The following SHANK2 variants were observed in gnomAD, a reference collection of about 807,000 sequenced individuals.
The protein encoded by SHANK2 is SH3 and multiple ankyrin repeat domains protein 2.
In SHANK2, 43 loss-of-function variants were observed where a neutral mutation model predicts 133.7. The ratio of observed to expected loss-of-function variants is 0.32; its 90% CI spans 0.25 to 0.41. The LOEUF is 0.41. SHANK2 is among the 10% of genes least tolerant of loss of function. The pLI is 1.00. For missense variants in SHANK2, 1,994 were observed against 2,235.8 expected (o/e 0.89, Z 2.18); for synonymous variants, 1,017 against 952.8 (o/e 1.07, Z -1.24).
intron 4 of SHANK2, among the ~76,000 whole-genome samples, chr11:71,114,613 TGC>T (rs1420624748): frequency 6.6e-6 from 1 of 152,048 alleles, no homozygotes; most frequent in Non-Finnish European, 1.5e-5. Flanking sequence ...GGGGAGAAAG[TGC>T]GCTGGTCAGA....
intron 10 of SHANK2, chr11:70,907,854 C>T (rs1408655540): frequency 3.1e-5 from 14 of 454,066 alleles, no homozygotes; most frequent in African/African-American, 2.8e-4. Context: ...GTAATCCCAA[C>T]AATTTCGGAG....
At chr11:71,085,645 T>A (rs1184050501) in intron 8 of SHANK2, among the ~76,000 whole-genome samples, 3 of 42,124 alleles carry the variant, frequency 7.1e-5, no homozygotes, top group Non-Finnish European at 8.9e-5. Context: ...ATATAATATA[T>A]TATGTTATAT....
Position 71,155,757 on chromosome 11 carries a change from G to A in SHANK2, c.-12-8419C>T, listed in dbSNP as rs372443314. Among the ~76,000 whole-genome samples, 16 of 123,292 alleles carry A rather than the reference G, an allele frequency of 1.3e-4. No individual in the cohort carries two copies. In the South Asian group the frequency reaches 3.6e-3, roughly 28 times the overall value. 80.9% of individuals were successfully genotyped at this position (123,292 alleles called of 152,430 possible). A position where few individuals can be genotyped will look rare whatever the true frequency, so the allele number is the denominator to read the frequency against. ...TATGGCCGTGGCCACACAAAACCAC[G>A]TGGCAACCCCATGTCAGGGCTGTGC... On this transcript the variant is annotated intron_variant, in intron 2 of 25. Coordinates refer to ENST00000601538, the MANE Select transcript of SHANK2 (RefSeq NM_012309.5).
intron 17 of SHANK2, chr11:70,647,438 T>A (rs578248914): frequency 2.6e-5 from 4 of 152,328 alleles, no homozygotes; most frequent in African/African-American, 9.6e-5. Flanking sequence ...AAGTGATACG[T>A]GGATCTTGGA....
In SHANK2 at chr11:70,479,679, G is replaced by A. The variant is rs1555151017; in HGVS notation, c.4979+5635C>T. On this transcript the variant is annotated intron_variant, in intron 25 of 25. Coordinates refer to ENST00000601538, the MANE Select transcript of SHANK2 (RefSeq NM_012309.5). This position sits in a 1 kb window ranked among gnomAD's most constrained non-coding sequence, Gnocchi z 4.4. ...CAGAAGCCATGGGGGACCCCCACAAGCACACACTCACTGCTCTGTTGCCCC... is the reference window on the plus strand; with the variant it reads ...CAGAAGCCATGGGGGACCCCCACAAACACACACTCACTGCTCTGTTGCCCC... Among the ~76,000 whole-genome samples, 7 of 152,244 alleles carry A rather than the reference G, an allele frequency of 4.6e-5. No homozygotes were observed. The highest frequency in any genetic ancestry group is 4.4e-5 in the Non-Finnish European group (3 of 68,044).
intron 2 of SHANK2, among the ~76,000 whole-genome samples, chr11:71,179,403 C>A (rs374108259): frequency 6.6e-6 from 1 of 152,154 alleles, no homozygotes; most frequent in African/African-American, 2.4e-5. Flanking sequence ...TTCATAAAAT[C>A]TAACACAGAT....
chr11:70,895,088 C>A (rs1555075396), intron 11 of SHANK2, among the ~76,000 whole-genome samples: 1 of 152,266 alleles, frequency 6.6e-6, no homozygotes, highest in East Asian at 1.9e-4. Flanking sequence ...GTGATTTGCC[C>A]TGGCTCACAG....
At position 70,659,858 on chromosome 11, in the gene SHANK2, G is replaced by A. The variant is rs782242751; in HGVS notation, c.2031C>T (p.Ala677=). Residue 677 remains alanine, a synonymous_variant, in exon 17 of 26, where the codon GCC becomes GCT. Transcript: ENST00000601538. ...TCAAGAAGTCCCCGGTCCTTAGTCC[G>A]GCTTGCCACGCCACCCCACCTTCAT... The part of the protein sequence containing the change: ...SVDEGGVAWQ[A]GLRTGDFLIE... 2.1e-5 allele frequency: 34 copies of A among 1,614,110 alleles called. No individual in the cohort carries two copies. The highest frequency in any genetic ancestry group is 5.5e-5 in the South Asian group (5 of 91,078).
Position 70,807,527 on chromosome 11 carries a change from C to T in SHANK2, c.1494-356G>A, listed in dbSNP as rs1555052255. Among the ~76,000 whole-genome samples, 2 of 152,156 alleles carry T rather than the reference C, an allele frequency of 1.3e-5. No homozygotes were observed. Among genetic ancestry groups the T allele is most frequent in the African/African-American group, 4.8e-5 (2 of 41,442 alleles). On this transcript the variant is annotated intron_variant, in intron 12 of 25. Transcript: ENST00000601538. This position sits in a 1 kb window ranked among gnomAD's most constrained non-coding sequence, Gnocchi z 4.8. The stretch of plus-strand genomic sequence containing the variant: ...CATACAATGGAACGCTGTTTAGCCT[C>T]CATCAGGAATTAAACTCTGGGCCAG...
chr11:70,876,261 C>CACACAT (rs1949562446), intron 11 of SHANK2, among the ~76,000 whole-genome samples: 1 of 150,962 alleles, frequency 6.6e-6, no homozygotes, highest in Non-Finnish European at 1.5e-5. Flanking sequence ...CACACACACA[C>CACACAT]ACACACACAC....
At chr11:71,056,145 G>A (rs1950916324) in intron 10 of SHANK2, among the ~76,000 whole-genome samples, 7 of 152,170 alleles carry the variant, frequency 4.6e-5, no homozygotes, top group Non-Finnish European at 1.0e-4. Context: ...TTGTCCCACT[G>A]GATGGAGGGG....
At chr11:70,516,744 T>C (rs1466134098) in intron 17 of SHANK2, among the ~76,000 whole-genome samples, 1 of 152,148 alleles carries the variant, frequency 6.6e-6, no homozygotes, top group African/African-American at 2.4e-5. Context: ...AAGAAAGAAC[T>C]CTTACATCTC....
chr11:70,661,562 G>C, intron 16 of SHANK2, 34 bp downstream of exon 16: 1 of 1,462,182 alleles, frequency 6.8e-7, no homozygotes, highest in Non-Finnish European at 9.5e-7. Context: ...CACAAACATG[G>C]GAACATATTC....
chr11:70,906,523 C>T (rs193159935), intron 10 of SHANK2, among the ~76,000 whole-genome samples: 9 of 152,328 alleles, frequency 5.9e-5, no homozygotes, highest in Admixed American at 3.3e-4. Context: ...CTTGCCAAAA[C>T]GAAATGTGCC....
At chr11:70,874,698 A>T (rs1271241893) in intron 11 of SHANK2, among the ~76,000 whole-genome samples, 1 of 150,770 alleles carries the variant, frequency 6.6e-6, no homozygotes, top group African/African-American at 2.4e-5. Flanking sequence ...AAAAAAAAAA[A>T]TTCCACCTTG....
At chr11:71,228,187 T>C (rs1293009779) in intron 1 of SHANK2, among the ~76,000 whole-genome samples, 1 of 152,214 alleles carries the variant, frequency 6.6e-6, no homozygotes, top group Non-Finnish European at 1.5e-5. Flanking sequence ...AAATACAAAC[T>C]ACTTCACCTT....
chr11:70,780,562 T>G (rs1217181464), intron 14 of SHANK2, among the ~76,000 whole-genome samples: 3 of 141,386 alleles, frequency 2.1e-5, no homozygotes. Context: ...AAAACTGTTT[T>G]TCCCTGGTAA....
At chr11:71,064,630 G>C (rs1951025772) in intron 9 of SHANK2, among the ~76,000 whole-genome samples, 1 of 152,006 alleles carries the variant, frequency 6.6e-6, no homozygotes, top group African/African-American at 2.4e-5. Context: ...GGGAGAGACA[G>C]CAGGGCCCCA....
At chr11:70,798,024 G>C (rs752842897) in intron 14 of SHANK2, among the ~76,000 whole-genome samples, 22 of 152,146 alleles carry the variant, frequency 1.4e-4, no homozygotes, top group Non-Finnish European at 2.8e-4. Flanking sequence ...GAACTCTTTC[G>C]AGCAGTTTTT....
Sources: gnomAD v4.1 joint callset for allele counts (sites outside exome capture counted in the v4.1 genomes callset) on GRCh38, gnomAD v4.1.1 for gene constraint, Gnocchi (gnomAD v3.1) non-coding constraint, MANE v1.5 for transcripts, NCBI Gene and HGNC (gene_info 2026-07-23, HGNC 2026-07-21) for gene names.